MID1: variants seen among roughly 807,000 people sequenced by gnomAD.
MID1 encodes midline 1, also known as E3 ubiquitin-protein ligase Midline-1.
Under a neutral mutation model 40.4 loss-of-function variants are expected in MID1, and 7 were observed. That is an observed-to-expected ratio of 0.17 (90% CI 0.10 to 0.33). MID1 has a LOEUF of 0.33. Among genes scored for constraint, MID1 ranks in the 10% least tolerant of loss-of-function variants. The pLI, the probability that MID1 is intolerant of heterozygous loss-of-function variation, is 1.00. For synonymous variants in MID1, 229 were observed against 221.2 expected (o/e 1.04, Z -0.31); for missense variants, 367 against 558.5 (o/e 0.66, Z 3.46).
At chrX:10,797,490 C>T (rs772263534) in intron 1 of MID1, among the ~76,000 whole-genome samples, 6 of 111,689 alleles carry the variant, frequency 5.4e-5, no homozygotes, top group African/African-American at 2.0e-4. Flanking sequence ...AGTGATTTGC[C>T]GGAGTCATGC....
intron 1 of MID1, among the ~76,000 whole-genome samples, chrX:10,595,659 T>A (rs1011147983): frequency 6.3e-5 from 7 of 111,905 alleles, no homozygotes; most frequent in Non-Finnish European, 1.3e-4. Context: ...CAGAGGCTGC[T>A]GAGGGTATGG....
At chrX:10,575,773 G>A (rs1934856184) in intron 1 of MID1, among the ~76,000 whole-genome samples, 1 of 111,011 alleles carries the variant, frequency 9.0e-6, no homozygotes, top group Non-Finnish European at 1.9e-5. Context: ...AATGTAGGCT[G>A]TTTCAGTACA....
intron 1 of MID1, among the ~76,000 whole-genome samples, chrX:10,715,435 G>T (rs1229184184): frequency 8.9e-6 from 1 of 112,160 alleles, no homozygotes; most frequent in Non-Finnish European, 1.9e-5. Flanking sequence ...CGCCCACGGA[G>T]CCTCACTCAT....
chrX:10,480,179 G>C (rs1403841494), intron 5 of MID1, among the ~76,000 whole-genome samples: 1 of 112,229 alleles, frequency 8.9e-6, no homozygotes, highest in East Asian at 2.8e-4. Context: ...ATTCAAACTT[G>C]ACAGAAGCAC....
At chrX:10,547,305 G>A (rs1009881344) in intron 2 of MID1, among the ~76,000 whole-genome samples, 7 of 111,270 alleles carry the variant, frequency 6.3e-5, no homozygotes, top group African/African-American at 9.8e-5. Flanking sequence ...GGGCACAGTG[G>A]CTTATGCCTG....
At chrX:10,501,170 G>A (rs926616948) in intron 3 of MID1, among the ~76,000 whole-genome samples, 1 of 111,796 alleles carries the variant, frequency 8.9e-6, no homozygotes, top group African/African-American at 3.3e-5. Context: ...TTAGCTGGGT[G>A]TGGTGGCGCA....
At chrX:10,571,104 T>A (rs1430839687) in intron 1 of MID1, among the ~76,000 whole-genome samples, 1 of 112,303 alleles carries the variant, frequency 8.9e-6, no homozygotes, top group African/African-American at 3.2e-5. Context: ...AACGAATTAA[T>A]AGTAGCTGCT....
intron 9 of MID1, among the ~76,000 whole-genome samples, chrX:10,451,053 G>GTTTT (rs1928303081): frequency 9.0e-6 from 1 of 111,662 alleles, no homozygotes; most frequent in Non-Finnish European, 1.9e-5. Flanking sequence ...TTTAAGAGTG[G>GTTTT]TGTGTTTGTT....
chrX:10,621,426 T>C (rs1446874459), upstream of MID1, among the ~76,000 whole-genome samples: 3 of 112,103 alleles, frequency 2.7e-5, no homozygotes, highest in Non-Finnish European at 5.6e-5. Context: ...AATAACTTTT[T>C]TCAACTCTTA....
intron 1 of MID1, among the ~76,000 whole-genome samples, chrX:10,722,748 G>T (rs1201830274): frequency 8.9e-6 from 1 of 112,066 alleles, no homozygotes; most frequent in Non-Finnish European, 1.9e-5. Flanking sequence ...TGAAATTTAA[G>T]TTTCCGGGCA....
intron 2 of MID1, among the ~76,000 whole-genome samples, chrX:10,542,159 C>T (rs1933496166): frequency 8.9e-6 from 1 of 112,154 alleles, no homozygotes; most frequent in South Asian, 3.7e-4. Context: ...TAAAACAAAA[C>T]AAAACATCCC....
Position 10,469,790 on chromosome X carries a change from T to C in MID1, c.1192A>G (p.Thr398Ala), listed in dbSNP as rs1366882934. ...REELCTASYD[T>A]ITVHWTSDDE... The stretch of plus-strand genomic sequence containing the variant: ...TCGGAGGTCCAATGCACAGTGATGG[T>C]GTCATATGAAGCTGTGCAGAGCTCT... Residue 398 changes from threonine (T) to alanine (A), a missense_variant, in exon 7 of 10, where the codon ACC becomes GCC. Physicochemically the swap from Thr to Ala is moderately conservative, Grantham distance 58 (BLOSUM62 0). This residue lies in a region of MID1 where 275 missense variants were observed against 383.1 expected (regional missense o/e 0.72). Transcript: ENST00000317552. 9.1e-6 allele frequency: 11 copies of C among 1,209,029 alleles called. No homozygotes were observed. Among genetic ancestry groups the C allele is most frequent in the Non-Finnish European group, 1.2e-5 (11 of 894,600 alleles).
At chrX:10,543,643 G>A (rs1933562945) in intron 2 of MID1, among the ~76,000 whole-genome samples, 1 of 110,323 alleles carries the variant, frequency 9.1e-6, no homozygotes, top group Non-Finnish European at 1.9e-5. Flanking sequence ...AGGAGTTTGA[G>A]ACCAGCCTGG....
intron 1 of MID1, among the ~76,000 whole-genome samples, chrX:10,802,390 T>C (rs944917021): frequency 1.8e-5 from 2 of 111,171 alleles, no homozygotes; most frequent in Admixed American, 1.9e-4. Flanking sequence ...CAGACACTTC[T>C]GAAAAGAGAC....
chrX:10,647,722 T>C (rs1006531534), intron 1 of MID1, among the ~76,000 whole-genome samples: 1 of 111,288 alleles, frequency 9.0e-6, no homozygotes, highest in Non-Finnish European at 1.9e-5. Flanking sequence ...CAGCCCTTTG[T>C]GTGGGAAAGC....
rs994730008 is a variant in MID1 at position 10,553,074 on chromosome X, C to T, written c.660+13814G>A. Among the ~76,000 whole-genome samples, 10 of 109,661 alleles carry T rather than the reference C, an allele frequency of 9.1e-5. 1 individual carries two copies. Among genetic ancestry groups the T allele is most frequent in the African/African-American group, 3.3e-4 (10 of 30,117 alleles). On this transcript the variant is annotated intron_variant, in intron 2 of 9. Coordinates refer to ENST00000317552, the MANE Select transcript of MID1 (RefSeq NM_000381.4). ...ATCAGCCTGGCCAACCTGGCGAAAC[C>T]CCGTCTCTACTAAAAATACAAAAAT... is the stretch of plus-strand genomic sequence containing the variant.
chrX:10,746,454 A>AT (rs1345289181), intron 1 of MID1, among the ~76,000 whole-genome samples: 1 of 111,601 alleles, frequency 9.0e-6, no homozygotes, highest in Non-Finnish European at 1.9e-5. Context: ...TGCCTTTTTG[A>AT]TTTTTGCCTG....
At chrX:10,779,365 G>T (rs777567910) in intron 1 of MID1, among the ~76,000 whole-genome samples, 1 of 111,198 alleles carries the variant, frequency 9.0e-6, no homozygotes, top group Non-Finnish European at 1.9e-5. Flanking sequence ...TAGAGACGAG[G>T]TCTCCCCGTG....
At chrX:10,741,372 A>C (rs973885028) in intron 1 of MID1, among the ~76,000 whole-genome samples, 1 of 111,042 alleles carries the variant, frequency 9.0e-6, no homozygotes, top group African/African-American at 3.3e-5. Context: ...GGAAGTGCAG[A>C]TCAAGACAGT....
Sources: allele counts gnomAD v4.1 joint callset (sites outside exome capture counted in the v4.1 genomes callset), GRCh38; gene constraint gnomAD v4.1.1; regional missense constraint gnomAD v4.1.1; transcripts MANE v1.5; gene names NCBI Gene and HGNC (gene_info 2026-07-23, HGNC 2026-07-21).